GPATCH2: variants seen among roughly 807,000 people sequenced by gnomAD.
The protein encoded by GPATCH2 is G-patch domain containing 2.
GPATCH2 carries 51 observed loss-of-function variants against 58.0 expected under a neutral mutation model. The ratio of observed to expected loss-of-function variants is 0.88; its 90% confidence interval spans 0.70 to 1.11. The LOEUF is 1.11. Among genes scored for constraint, GPATCH2 ranks in the 50% most tolerant of loss-of-function variants. The pLI is 0.00. For missense variants in GPATCH2, 625 were observed against 652.2 expected (o/e 0.96, Z 0.45); for synonymous variants, 222 against 218.5 (o/e 1.02, Z -0.14).
chr1:217,625,737 T>C (rs1015898140), intron 1 of GPATCH2, among the ~76,000 whole-genome samples: 2 of 152,054 alleles, frequency 1.3e-5, no homozygotes, highest in East Asian at 1.9e-4. Flanking sequence ...AATCCCAGCA[T>C]TCTGGGAGGT....
chr1:217,582,539 T>A (rs770105373), intron 5 of GPATCH2, among the ~76,000 whole-genome samples: 6 of 151,920 alleles, frequency 3.9e-5, no homozygotes, highest in Non-Finnish European at 7.4e-5. Context: ...CCCAAAAAAA[T>A]GACTAGCAGG....
At chr1:217,598,871 G>A (rs1420995168) in intron 5 of GPATCH2, among the ~76,000 whole-genome samples, 1 of 152,218 alleles carries the variant, frequency 6.6e-6, no homozygotes. Flanking sequence ...AAAGTAAGCA[G>A]ATGGTTAACA....
chr1:217,465,546 T>C (rs1204476911), intron 8 of GPATCH2, among the ~76,000 whole-genome samples: 3 of 152,210 alleles, frequency 2.0e-5, no homozygotes, highest in Non-Finnish European at 4.4e-5. Context: ...GGGACCAGTC[T>C]TCCCATGCTA....
intron 9 of GPATCH2, among the ~76,000 whole-genome samples, chr1:217,443,971 T>C (rs1413567543): frequency 6.6e-6 from 1 of 152,182 alleles, no homozygotes; most frequent in Non-Finnish European, 1.5e-5. Context: ...GAGATCGTCA[T>C]TGGTAGGTTT....
chr1:217,460,190 G>C (rs1660141940), intron 8 of GPATCH2, among the ~76,000 whole-genome samples: 1 of 152,066 alleles, frequency 6.6e-6, no homozygotes, highest in Admixed American at 6.6e-5. Context: ...CTGAAGTCCA[G>C]AACTGTTACT....
At chr1:217,542,161 G>T (rs1664776562) in intron 5 of GPATCH2, among the ~76,000 whole-genome samples, 1 of 152,192 alleles carries the variant, frequency 6.6e-6, no homozygotes, top group African/African-American at 2.4e-5. Flanking sequence ...AGGCTGTGAT[G>T]AACATCTGCT....
intron 8 of GPATCH2, among the ~76,000 whole-genome samples, chr1:217,472,411 C>T (rs200983009): frequency 1.3e-5 from 2 of 151,474 alleles, no homozygotes; most frequent in East Asian, 3.9e-4. Context: ...ACGCCATTCT[C>T]CCGCCTCAGC....
At chr1:217,526,441 A>G (rs2552081) in intron 5 of GPATCH2, among the ~76,000 whole-genome samples, 1 of 152,332 alleles carries the variant, frequency 6.6e-6, no homozygotes, top group South Asian at 2.1e-4. Context: ...GGGAAAAAGT[A>G]CAAAAGTACA....
Position 217,451,481 on chromosome 1 carries a change from C to A in GPATCH2, c.1278-2144G>T, listed in dbSNP as rs183181937. Among the ~76,000 whole-genome samples the A allele has an allele frequency of 2.0e-5, 3 of 152,334 alleles. No homozygotes were observed. The East Asian group carries it at 5.8e-4, about 29-fold the overall frequency. On this transcript the variant is annotated intron_variant, in intron 8 of 9. Coordinates refer to ENST00000366935, the MANE Select transcript of GPATCH2 (RefSeq NM_018040.5). Reference sequence around the variant, plus strand: ...TCAATACTCCTTTACTCCATATACACTTGAGCTTCTTTGACTTCTCCTTTC... The same window carrying A: ...TCAATACTCCTTTACTCCATATACAATTGAGCTTCTTTGACTTCTCCTTTC...
chr1:217,447,966 T>C (rs1659466436), intron 9 of GPATCH2, among the ~76,000 whole-genome samples: 1 of 151,956 alleles, frequency 6.6e-6, no homozygotes, highest in South Asian at 2.1e-4. Context: ...GGCATGGTGG[T>C]GGGCGCCCAT....
intron 8 of GPATCH2, among the ~76,000 whole-genome samples, chr1:217,469,424 G>A (rs1360076524): frequency 6.6e-6 from 1 of 151,950 alleles, no homozygotes; most frequent in Non-Finnish European, 1.5e-5. Flanking sequence ...CAATATCTTG[G>A]TATACAAATA....
chr1:217,474,827 A>G (rs528445703), intron 8 of GPATCH2, among the ~76,000 whole-genome samples: 1 of 152,302 alleles, frequency 6.6e-6, no homozygotes, highest in African/African-American at 2.4e-5. Context: ...GTTTTTCTAC[A>G]AGTTGAAAAA....
chr1:217,447,815 GGGT>G (rs1659458148), intron 9 of GPATCH2, among the ~76,000 whole-genome samples: 1 of 152,164 alleles, frequency 6.6e-6, no homozygotes, highest in African/African-American at 2.4e-5. Context: ...GAACGTGGCT[GGGT>G]GCGGTGGCTC....
chr1:217,625,915 C>T (rs945400744), intron 1 of GPATCH2, among the ~76,000 whole-genome samples: 20 of 151,970 alleles, frequency 1.3e-4, no homozygotes, highest in Non-Finnish European at 2.6e-4. Context: ...ACCCAGGAGG[C>T]AGAGGTTGCA....
chr1:217,487,347 T>C (rs1321332976), intron 8 of GPATCH2, among the ~76,000 whole-genome samples: 1 of 152,160 alleles, frequency 6.6e-6, no homozygotes, highest in East Asian at 1.9e-4. Flanking sequence ...TTTCCTCCAA[T>C]TACCATCTAA....
At chr1:217,590,703 C>T (rs1287907461) in intron 5 of GPATCH2, among the ~76,000 whole-genome samples, 2 of 152,166 alleles carry the variant, frequency 1.3e-5, no homozygotes, top group Non-Finnish European at 2.9e-5. Flanking sequence ...CTACTTCACA[C>T]ATGTATATTA....
chr1:217,590,065 G>T (rs1667521538), intron 5 of GPATCH2, among the ~76,000 whole-genome samples: 1 of 149,330 alleles, frequency 6.7e-6, no homozygotes, highest in South Asian at 2.1e-4. Context: ...CTGCTACCCA[G>T]GCTGGAGTGT....
At chr1:217,467,043 C>T (rs1199321842) in intron 8 of GPATCH2, among the ~76,000 whole-genome samples, 5 of 152,064 alleles carry the variant, frequency 3.3e-5, no homozygotes, top group Non-Finnish European at 7.4e-5. Context: ...TGTGGTGGCA[C>T]GTGCCTGTGG....
intron 5 of GPATCH2, among the ~76,000 whole-genome samples, chr1:217,527,634 T>C (rs989173002): frequency 3.3e-5 from 5 of 152,176 alleles, no homozygotes; most frequent in Non-Finnish European, 7.3e-5. Flanking sequence ...CCTCTCTTGT[T>C]CGAGCCACCA....
Sources: allele counts gnomAD v4.1 joint callset (sites outside exome capture counted in the v4.1 genomes callset), GRCh38; gene constraint gnomAD v4.1.1; transcripts MANE v1.5; gene names NCBI Gene and HGNC (gene_info 2026-07-23, HGNC 2026-07-21).